LRRC4C: variants seen among roughly 807,000 people sequenced by gnomAD.
LRRC4C encodes leucine-rich repeat-containing protein 4C.
LRRC4C carries 5 observed loss-of-function variants against 33.6 expected under a neutral mutation model. The observed-to-expected ratio is 0.15, with a 90% CI of 0.08 to 0.31. The LOEUF (loss-of-function observed/expected upper bound fraction) is 0.31. Among genes scored for constraint, LRRC4C ranks in the 10% least tolerant of loss-of-function variants. The probability of loss-of-function intolerance (pLI) is 1.00; values close to 1 mark genes in which losing one functional copy is unlikely to be tolerated. For synonymous variants in LRRC4C, 329 were observed against 302.0 expected (o/e 1.09, Z -0.93); for missense variants, 560 against 796.7 (o/e 0.70, Z 3.58).
chr11:40,917,672 C>A (rs1353068123), intron 2 of LRRC4C, among the ~76,000 whole-genome samples: 1 of 152,106 alleles, frequency 6.6e-6, no homozygotes, highest in East Asian at 1.9e-4. Flanking sequence ...GCTTACTCTT[C>A]TCCCTTTAGA....
At chr11:40,188,609 G>A (rs893055685) in intron 5 of LRRC4C, among the ~76,000 whole-genome samples, 1 of 152,106 alleles carries the variant, frequency 6.6e-6, no homozygotes, top group Non-Finnish European at 1.5e-5. Flanking sequence ...TCAGAGCAGG[G>A]TTTGCTCTGT....
In LRRC4C at chr11:40,114,328, C is replaced by CT. The variant is rs371765675; in HGVS notation, c.*41dup. On this transcript the variant is annotated 3_prime_UTR_variant, in exon 7 of 7. Transcript: ENST00000528697. ...ATTTGTGTCATTTTTAATAAACTGT[C>CT]TTTTTTTTTGATTGTTTGTTTTTTG... The CT allele has an allele frequency of 3.1e-3, 4,689 of 1,493,300 alleles. 107 individuals carry two copies. The African/African-American group carries it at 0.055, about 18-fold the overall frequency. 92.5% of individuals were successfully genotyped at this position (1,493,300 alleles called of 1,614,324 possible).
intron 1 of LRRC4C, among the ~76,000 whole-genome samples, chr11:41,232,159 A>T (rs1275085171): frequency 6.6e-6 from 1 of 152,008 alleles, no homozygotes; most frequent in East Asian, 1.9e-4. Context: ...GGAAGTTGAC[A>T]ACATCCTCCT....
chr11:41,211,676 C>CT (rs1232188744), intron 1 of LRRC4C, among the ~76,000 whole-genome samples: 1 of 152,180 alleles, frequency 6.6e-6, no homozygotes, highest in Non-Finnish European at 1.5e-5. Flanking sequence ...TTTATTATGG[C>CT]TGCATAGTAT....
chr11:40,711,300 G>A (rs1263267069), intron 2 of LRRC4C, among the ~76,000 whole-genome samples: 2 of 152,130 alleles, frequency 1.3e-5, no homozygotes, highest in African/African-American at 4.8e-5. Flanking sequence ...CTGCAGATGG[G>A]AGCTGTTCCT....
intron 1 of LRRC4C, among the ~76,000 whole-genome samples, chr11:41,411,441 C>T (rs1268610090): frequency 6.6e-6 from 1 of 151,582 alleles, no homozygotes; most frequent in East Asian, 2.0e-4. Flanking sequence ...AGCCACCGCG[C>T]CCAGCCTTGG....
intron 2 of LRRC4C, among the ~76,000 whole-genome samples, chr11:40,679,895 T>A (rs1481483876): frequency 6.6e-6 from 1 of 152,016 alleles, no homozygotes. Context: ...AGGGCCACCA[T>A]CCTCCAGACC....
At chr11:41,421,436 G>T (rs528179806) in intron 1 of LRRC4C, among the ~76,000 whole-genome samples, 1 of 151,998 alleles carries the variant, frequency 6.6e-6, no homozygotes, top group Non-Finnish European at 1.5e-5. Context: ...GAGAAGCATG[G>T]TTACTTGTTT....
chr11:40,916,347 C>G (rs1020778956), intron 2 of LRRC4C, among the ~76,000 whole-genome samples: 9 of 152,174 alleles, frequency 5.9e-5, no homozygotes, highest in Non-Finnish European at 1.0e-4. Context: ...CACATATACA[C>G]CATGGAATAC....
intron 5 of LRRC4C, among the ~76,000 whole-genome samples, chr11:40,141,065 C>A (rs927153571): frequency 2.6e-5 from 4 of 151,802 alleles, no homozygotes; most frequent in Non-Finnish European, 5.9e-5. Flanking sequence ...TTTTTTAATG[C>A]CAATAAAAAT....
intron 1 of LRRC4C, among the ~76,000 whole-genome samples, chr11:40,937,546 C>T (rs1416820736): frequency 6.6e-6 from 1 of 151,440 alleles, no homozygotes; most frequent in African/African-American, 2.4e-5. Flanking sequence ...TTGCATAACT[C>T]TTCAGTTGTA....
At chr11:41,455,257 G>T (rs1015648983) in intron 1 of LRRC4C, among the ~76,000 whole-genome samples, 1 of 152,142 alleles carries the variant, frequency 6.6e-6, no homozygotes, top group Admixed American at 6.6e-5. Context: ...CCTCATTGTG[G>T]ACTGGAGTTA....
chr11:40,852,142 T>C (rs930888587), intron 2 of LRRC4C, among the ~76,000 whole-genome samples: 3 of 150,478 alleles, frequency 2.0e-5, no homozygotes, highest in Middle Eastern at 3.4e-3. Flanking sequence ...TTTTTTTTTT[T>C]CCAGATTGTT....
intron 2 of LRRC4C, among the ~76,000 whole-genome samples, chr11:40,914,699 A>T (rs1300645129): frequency 1.3e-5 from 2 of 152,096 alleles, no homozygotes; most frequent in Non-Finnish European, 2.9e-5. Context: ...TCTGGCCAGG[A>T]CAATCAGTCA....
intron 6 of LRRC4C, among the ~76,000 whole-genome samples, chr11:40,122,961 A>ACACACG (rs1394988905): frequency 2.9e-5 from 4 of 136,362 alleles, no homozygotes; most frequent in African/African-American, 1.2e-4. Context: ...ATACACACAC[A>ACACACG]CACACACACA....
chr11:40,311,210 A>G (rs1945287692), intron 4 of LRRC4C, among the ~76,000 whole-genome samples: 1 of 152,202 alleles, frequency 6.6e-6, no homozygotes, highest in African/African-American at 2.4e-5. Flanking sequence ...CTCCTGCAGT[A>G]TGGCAAGATA....
At chr11:41,406,389 G>T (rs1205978697) in intron 1 of LRRC4C, among the ~76,000 whole-genome samples, 3 of 152,008 alleles carry the variant, frequency 2.0e-5, no homozygotes, top group African/African-American at 7.2e-5. Context: ...CTCTTGGCTT[G>T]CTTGACTTTA....
intron 3 of LRRC4C, among the ~76,000 whole-genome samples, chr11:40,426,917 G>A (rs1219932562): frequency 1.3e-5 from 2 of 152,040 alleles, no homozygotes; most frequent in Non-Finnish European, 2.9e-5. Context: ...CTTTTTTCTG[G>A]TCAAGTTTTT....
At chr11:41,456,705 A>C (rs973581600) in intron 1 of LRRC4C, among the ~76,000 whole-genome samples, 16 of 152,228 alleles carry the variant, frequency 1.1e-4, no homozygotes, top group Admixed American at 4.6e-4. Context: ...TCCTACTGAA[A>C]TGGAAAGCTC....
Sources: gnomAD v4.1 joint callset for allele counts (sites outside exome capture counted in the v4.1 genomes callset) on GRCh38, gnomAD v4.1.1 for gene constraint, MANE v1.5 for transcripts, NCBI Gene and HGNC (gene_info 2026-07-23, HGNC 2026-07-21) for gene names.